Variants in RER1 observed in about 807,000 individuals in gnomAD.
RER1 encodes protein RER1.
A neutral mutation model predicts 28.3 loss-of-function variants in RER1; 6 were observed. The ratio of observed to expected loss-of-function variants is 0.21; its 90% CI spans 0.12 to 0.42. RER1 has a LOEUF of 0.42. RER1 is among the 10% of genes least tolerant of loss of function. The probability of loss-of-function intolerance (pLI) is 1.00; values close to 1 mark genes in which losing one functional copy is unlikely to be tolerated. For synonymous variants in RER1, 110 were observed against 95.9 expected, an observed-to-expected ratio of 1.15 and a Z score of -0.86; for missense variants, 159 against 252.9, an observed-to-expected ratio of 0.63 and a Z score of 2.52.
At chr1:2,395,469 C>T (rs868461571) in intron 1 of RER1, 2 of 369,740 alleles carry the variant, frequency 5.4e-6, no homozygotes, top group Middle Eastern at 8.5e-4. Context: ...GCCAGTGGAC[C>T]CCATGGCCAG....
At chr1:2,398,453 A>G (rs1642800075) in intron 3 of RER1, among the ~76,000 whole-genome samples, 1 of 152,212 alleles carries the variant, frequency 6.6e-6, no homozygotes, top group South Asian at 2.1e-4. Flanking sequence ...CAGTGGCCTG[A>G]TCTTGGCTCA....
At chr1:2,397,916 G>T (rs995143609) in intron 3 of RER1, among the ~76,000 whole-genome samples, 2 of 152,330 alleles carry the variant, frequency 1.3e-5, no homozygotes, top group South Asian at 2.1e-4. Flanking sequence ...TGAAAGCCTT[G>T]TCTGGGCTAT....
rs1174155393 is a variant in RER1 at position 2,391,846 on chromosome 1, C to T, written c.-120C>T. The T allele has an allele frequency of 6.1e-6, 2 of 326,948 alleles. No homozygotes were observed. The highest frequency in any genetic ancestry group is 2.1e-5 in the African/African-American group (1 of 46,776). The allele number at this position is 326,948 out of a possible 1,614,324, so 20.3% of individuals were successfully genotyped here. ...CGCCGCGGAGGACGGAGCGGAAGTG[C>T]TCGCTGCAGCTTCCCGGAGCCGGAG... On this transcript the variant is annotated 5_prime_UTR_variant, in exon 1 of 7. Coordinates refer to ENST00000605895, the MANE Select transcript of RER1 (RefSeq NM_007033.5).
At chr1:2,399,035 C>T (rs963457750) in intron 3 of RER1, among the ~76,000 whole-genome samples, 3 of 152,186 alleles carry the variant, frequency 2.0e-5, no homozygotes, top group Non-Finnish European at 4.4e-5. Flanking sequence ...GGGCCAGCAT[C>T]GCTCAGGTGC....
rs1432194945 is a variant in RER1 at position 2,391,951 on chromosome 1, G to T, written c.-15G>T. The T allele has an allele frequency of 6.0e-6, 1 of 168,058 alleles. No individual in the cohort carries two copies. Among genetic ancestry groups the T allele is most frequent in the African/African-American group, 2.4e-5 (1 of 42,094 alleles). 10.4% of individuals were successfully genotyped at this position (168,058 alleles called of 1,614,324 possible). A position where few individuals can be genotyped will look rare whatever the true frequency, so the allele number is the denominator to read the frequency against. On this transcript the variant is annotated 5_prime_UTR_variant, in exon 1 of 7. Coordinates refer to ENST00000605895, the MANE Select transcript of RER1 (RefSeq NM_007033.5). ...GAGACCGCGGCTCGGCCGTAGCGGAGCTGCGAGGTGCCAGGAAGGGCTGCG... is the reference window on the plus strand; with the variant it reads ...GAGACCGCGGCTCGGCCGTAGCGGATCTGCGAGGTGCCAGGAAGGGCTGCG...
At chr1:2,396,091 G>C in intron 2 of RER1, 1 of 551,274 alleles carries the variant, frequency 1.8e-6, no homozygotes, top group South Asian at 2.3e-5. Flanking sequence ...TGCGTTTTCT[G>C]TTTCTGTTTT....
chr1:2,402,168 G>C, intron 5 of RER1, 39 bp from the exon 6 acceptor site: 1 of 1,614,050 alleles, frequency 6.2e-7, no homozygotes, highest in South Asian at 1.1e-5. Flanking sequence ...CCCGGTGCTG[G>C]CTGCAGATGC....
chr1:2,404,030 A>G lies in RER1; in HGVS notation c.*906A>G, dbSNP rs1452697252. 2 of 152,272 alleles carry G rather than the reference A, an allele frequency of 1.3e-5. No individual in the cohort carries two copies. Among genetic ancestry groups the G allele is most frequent in the Non-Finnish European group, 2.9e-5 (2 of 68,054 alleles). 9.4% of individuals were successfully genotyped at this position (152,272 alleles called of 1,614,324 possible). Reference sequence around the variant, plus strand: ...ACCTAAAACATGGCAGTCGCTGGACACAGGAAAGCCCACCTTTTGTTTGGC... The same window carrying G: ...ACCTAAAACATGGCAGTCGCTGGACGCAGGAAAGCCCACCTTTTGTTTGGC... On this transcript the variant is annotated 3_prime_UTR_variant, in exon 7 of 7. Coordinates refer to ENST00000605895, the MANE Select transcript of RER1 (RefSeq NM_007033.5).
At chr1:2,399,109 GC>G (rs1444247891) in intron 3 of RER1, among the ~76,000 whole-genome samples, 2 of 152,204 alleles carry the variant, frequency 1.3e-5, no homozygotes, top group Non-Finnish European at 2.9e-5. Flanking sequence ...CTCCTTTTCT[GC>G]TGCGCTCCTT....
chr1:2,396,101 TC>T, intron 2 of RER1: 1 of 538,932 alleles, frequency 1.9e-6, no homozygotes, highest in East Asian at 3.1e-5. Flanking sequence ...GTTTCTGTTT[TC>T]CTTTTACCAA....
intron 6 of RER1, among the ~76,000 whole-genome samples, 177 bp downstream of exon 6, chr1:2,402,519 GCTAA>G (rs903272737): frequency 4.6e-5 from 7 of 152,104 alleles, no homozygotes; most frequent in Non-Finnish European, 8.8e-5. Flanking sequence ...AGCACGGCCG[GCTAA>G]CTAAACGGGG....
At chr1:2,393,235 A>G (rs1642715946) in intron 1 of RER1, 1 of 152,086 alleles carries the variant, frequency 6.6e-6, no homozygotes, top group Non-Finnish European at 1.5e-5. Flanking sequence ...TCAACAGGTA[A>G]TTGATGGGCT....
intron 5 of RER1, among the ~76,000 whole-genome samples, chr1:2,401,270 TC>T (rs1642848927): frequency 3.3e-4 from 7 of 21,000 alleles, no homozygotes; most frequent in Admixed American, 5.8e-4. Flanking sequence ...TCCTCCACCC[TC>T]CCTCCTCCCT....
At chr1:2,392,167 T>TG (rs372608090) in intron 1 of RER1, among the ~76,000 whole-genome samples, 12,511 of 118,874 alleles carry the variant, frequency 0.11, 723 homozygotes, top group South Asian at 0.27. Context: ...GACGGGGTGC[T>TG]GGGGGGTGCG....
chr1:2,395,150 G>A (rs1642749760), intron 1 of RER1: 1 of 152,688 alleles, frequency 6.5e-6, no homozygotes, highest in South Asian at 2.1e-4. Context: ...TCTGGCACCT[G>A]GGTTCTCAGG....
At chr1:2,397,348 G>A (rs1570077715) in intron 3 of RER1, 128 bp downstream of exon 3, 1 of 681,196 alleles carries the variant, frequency 1.5e-6, no homozygotes, top group Admixed American at 2.2e-5. Context: ...TCAGCTAAAC[G>A]CCAAATGTCA....
rs1642915212 is a variant in RER1, at chr1:2,403,930, C to CATGTCA, written c.*806_*807insATGTCA. ...GAGGCGGAACCCACTTGCATGTCAG[C>CATGTCA]GTTTTTGATTCGAGAAAAGAAATAC... On this transcript the variant is annotated 3_prime_UTR_variant, in exon 7 of 7. Coordinates refer to ENST00000605895, the MANE Select transcript of RER1 (RefSeq NM_007033.5). The CATGTCA allele has an allele frequency of 6.6e-6, 1 of 152,296 alleles. No homozygotes were observed. Among genetic ancestry groups the CATGTCA allele is most frequent in the Non-Finnish European group, 1.5e-5 (1 of 68,034 alleles). The allele number at this position is 152,296 out of a possible 1,614,324, so 9.4% of individuals were successfully genotyped here.
intron 4 of RER1, among the ~76,000 whole-genome samples, chr1:2,400,483 G>A (rs1570082016): frequency 1.3e-5 from 2 of 152,340 alleles, no homozygotes; most frequent in Middle Eastern, 3.4e-3. Flanking sequence ...CCTGGCGCCC[G>A]GGTTCCACGG....
At position 2,403,929 on chromosome 1, in the gene RER1, G is replaced by A. The variant is rs1191933339; in HGVS notation, c.*805G>A. Reference sequence around the variant, plus strand: ...AGAGGCGGAACCCACTTGCATGTCAGCGTTTTTGATTCGAGAAAAGAAATA... The same window carrying A: ...AGAGGCGGAACCCACTTGCATGTCAACGTTTTTGATTCGAGAAAAGAAATA... On this transcript the variant is annotated 3_prime_UTR_variant, in exon 7 of 7. Coordinates refer to ENST00000605895, the MANE Select transcript of RER1 (RefSeq NM_007033.5). 1 of 152,384 alleles carries A rather than the reference G, an allele frequency of 6.6e-6. No homozygotes were observed. Among genetic ancestry groups the A allele is most frequent in the Non-Finnish European group, 1.5e-5 (1 of 68,046 alleles). The allele number at this position is 152,384 out of a possible 1,614,324, so 9.4% of individuals were successfully genotyped here.
Sources: allele counts gnomAD v4.1 joint callset (sites outside exome capture counted in the v4.1 genomes callset), GRCh38; gene constraint gnomAD v4.1.1; transcripts MANE v1.5; gene names NCBI Gene and HGNC (gene_info 2026-07-23, HGNC 2026-07-21).